The following PIAS2 variants were observed in gnomAD, a reference collection of about 807,000 sequenced individuals.
PIAS2 encodes protein inhibitor of activated STAT 2, also known as E3 SUMO-protein ligase PIAS2.
PIAS2 carries 19 observed loss-of-function variants against 69.7 expected under a neutral mutation model. The ratio of observed to expected loss-of-function variants is 0.27; its 90% CI spans 0.19 to 0.40. The LOEUF (loss-of-function observed/expected upper bound fraction) is 0.40. PIAS2 is among the 10% of genes least tolerant of loss of function. The pLI is 1.00. For missense variants in PIAS2, 624 were observed against 757.0 expected (o/e 0.82, Z 2.06); for synonymous variants, 261 against 263.2 (o/e 0.99, Z 0.08).
At chr18:46,856,228 C>T (rs2047807552) in intron 3 of PIAS2, among the ~76,000 whole-genome samples, 1 of 151,860 alleles carries the variant, frequency 6.6e-6, no homozygotes, top group Admixed American at 6.6e-5. Flanking sequence ...GTCTTGATCT[C>T]CTGACCTCGT....
chr18:46,840,851 A>G (rs541118916), intron 8 of PIAS2, among the ~76,000 whole-genome samples: 1 of 152,310 alleles, frequency 6.6e-6, no homozygotes, highest in South Asian at 2.1e-4. Context: ...TTCCTATAAA[A>G]TGTTAAGCTG....
chr18:46,815,541 A>G, intron 12 of PIAS2, 192 bp from the exon 13 acceptor site: 1 of 985,326 alleles, frequency 1.0e-6, no homozygotes. Context: ...TTCTCTGATA[A>G]AACAACTGGA....
intron 1 of PIAS2, among the ~76,000 whole-genome samples, chr18:46,912,207 G>A (rs1428128739): frequency 2.0e-5 from 3 of 152,198 alleles, no homozygotes; most frequent in Non-Finnish European, 4.4e-5. Flanking sequence ...CTCAGTATCC[G>A]TAGGGGGCTG....
rs910790783 is a variant in PIAS2, at chr18:46,845,085, A to G, written c.862-246T>C. On this transcript the variant is annotated intron_variant, in intron 6 of 13. Transcript: ENST00000585916. ...AAAACATTCGCTGGTATGGGAATAT[A>G]GGTTAGATCAATGGTTTCCAAACTA... The G allele has an allele frequency of 2.7e-5, 7 of 257,946 alleles. No homozygotes were observed. In the Admixed American group the frequency reaches 3.8e-4, roughly 14 times the overall value. The allele number at this position is 257,946 out of a possible 1,614,324, so 16.0% of individuals were successfully genotyped here.
At position 46,808,248 on chromosome 18, in the gene PIAS2, C is replaced by A. The variant is rs1324239910; in HGVS notation, c.*4185G>T. The stretch of plus-strand genomic sequence containing the variant: ...AGCAAAGACAATGGCAAGGAAGATG[C>A]AAAAATATCAAGTGATTTTTTCTGG... On this transcript the variant is annotated 3_prime_UTR_variant, in exon 14 of 14. Transcript: ENST00000585916. The A allele has an allele frequency of 1.3e-5, 2 of 152,036 alleles. 1 individual carries two copies. The highest frequency in any genetic ancestry group is 3.9e-4 in the East Asian group (2 of 5,190). 9.4% of individuals were successfully genotyped at this position (152,036 alleles called of 1,614,324 possible).
intron 3 of PIAS2, among the ~76,000 whole-genome samples, chr18:46,856,015 T>C (rs1380566210): frequency 2.3e-5 from 3 of 132,286 alleles, no homozygotes; most frequent in African/African-American, 8.4e-5. Flanking sequence ...TTTTTTTTTT[T>C]TTTTTTTTGA....
rs1443638754 is a variant in PIAS2, at chr18:46,810,748, A to T, written c.*1685T>A. On this transcript the variant is annotated 3_prime_UTR_variant, in exon 14 of 14. Transcript: ENST00000585916. ...AACTTGAGAAGGTGAAAGAAAAAAA[A>T]AAAAAACCCCAAGCAAGGACAAGTC... is the stretch of plus-strand genomic sequence containing the variant. 1 of 151,752 alleles carries T rather than the reference A, an allele frequency of 6.6e-6. No individual in the cohort carries two copies. Among genetic ancestry groups the T allele is most frequent in the Non-Finnish European group, 1.5e-5 (1 of 67,970 alleles). 9.4% of individuals were successfully genotyped at this position (151,752 alleles called of 1,614,324 possible). A position where few individuals can be genotyped will look rare whatever the true frequency, so the allele number is the denominator to read the frequency against.
chr18:46,916,939 CCA>C (rs1357854195), intron 1 of PIAS2: 2 of 985,402 alleles, frequency 2.0e-6, no homozygotes, highest in African/African-American at 3.5e-5. Flanking sequence ...TTGTGAATAG[CCA>C]CAGACACGTA....
intron 12 of PIAS2, chr18:46,817,672 T>C: frequency 1.0e-6 from 1 of 963,524 alleles, no homozygotes; most frequent in Non-Finnish European, 1.2e-6. Context: ...GTTGGAATTC[T>C]AGATTGTTTA....
chr18:46,807,370 TATATATATATATA>T lies in PIAS2; in HGVS notation c.*5050_*5062del, dbSNP rs1405220256. 9 of 28,312 alleles carry T rather than the reference TATATATATATATA, an allele frequency of 3.2e-4. No homozygotes were observed. Among genetic ancestry groups the T allele is most frequent in the African/African-American group, 9.7e-4 (4 of 4,104 alleles). 1.8% of individuals were successfully genotyped at this position (28,312 alleles called of 1,614,324 possible). On this transcript the variant is annotated 3_prime_UTR_variant, in exon 14 of 14. Transcript: ENST00000585916. The stretch of plus-strand genomic sequence containing the variant: ...ATGTCAGATTTTATATATATATATA[TATATATATATATA>T]TTTTTTTTTTTTTTTTTTTTTTTTT...
At chr18:46,832,228 A>G (rs2043732942) in intron 9 of PIAS2, among the ~76,000 whole-genome samples, 3 of 152,042 alleles carry the variant, frequency 2.0e-5, no homozygotes, top group South Asian at 4.2e-4. Flanking sequence ...CAGCCTGACC[A>G]ACATGGTGAA....
rs530111433 is a variant in PIAS2, at chr18:46,807,686, C to T, written c.*4747G>A. ...TGCTGGGATTACAGGCGTGAGCCTC[C>T]ATACCCGGCCCATGTCAGATATATT... On this transcript the variant is annotated 3_prime_UTR_variant, in exon 14 of 14. Transcript: ENST00000585916. 9.2e-5 allele frequency: 14 copies of T among 152,210 alleles called. No individual in the cohort carries two copies. In the East Asian group the frequency reaches 2.7e-3, roughly 29 times the overall value. 9.4% of individuals were successfully genotyped at this position (152,210 alleles called of 1,614,324 possible).
chr18:46,839,631 G>A (rs560998750), intron 8 of PIAS2, among the ~76,000 whole-genome samples: 1 of 152,114 alleles, frequency 6.6e-6, no homozygotes, highest in African/African-American at 2.4e-5. Flanking sequence ...TTGGGAGGCC[G>A]AGGAGGGTGG....
chr18:46,829,932 G>C (rs1001420378), intron 9 of PIAS2, 65 bp from the exon 10 acceptor site: 41 of 1,401,272 alleles, frequency 2.9e-5, no homozygotes, highest in Non-Finnish European at 3.3e-5. Flanking sequence ...AAATAAGAAA[G>C]TAATACACAT....
intron 1 of PIAS2, among the ~76,000 whole-genome samples, chr18:46,897,412 T>A (rs1213781020): frequency 2.0e-5 from 3 of 152,176 alleles, no homozygotes; most frequent in African/African-American, 4.8e-5. Context: ...CAGAATGGGC[T>A]CCTAGTAGCC....
intron 3 of PIAS2, among the ~76,000 whole-genome samples, chr18:46,859,971 G>A (rs1267606283): frequency 6.6e-6 from 1 of 152,180 alleles, no homozygotes; most frequent in African/African-American, 2.4e-5. Context: ...AATGGAAGGA[G>A]CAGCGCTAAA....
intron 3 of PIAS2, among the ~76,000 whole-genome samples, chr18:46,859,287 G>A (rs1019317047): frequency 6.6e-6 from 1 of 152,022 alleles, no homozygotes; most frequent in Non-Finnish European, 1.5e-5. Flanking sequence ...AATTAGCCAG[G>A]CGTGGTGGTG....
intron 2 of PIAS2, among the ~76,000 whole-genome samples, chr18:46,884,306 A>G (rs1274321232): frequency 6.6e-6 from 1 of 151,850 alleles, no homozygotes; most frequent in Non-Finnish European, 1.5e-5. Flanking sequence ...CTCATGTTTT[A>G]TTTATTTATT....
rs1167375198 is a variant in PIAS2, at chr18:46,806,981, T to C, written c.*5452A>G. 6.6e-6 allele frequency: 1 copy of C among 152,134 alleles called. No homozygotes were observed. The highest frequency in any genetic ancestry group is 1.5e-5 in the Non-Finnish European group (1 of 68,024). The allele number at this position is 152,134 out of a possible 1,614,324, so 9.4% of individuals were successfully genotyped here. A position where few individuals can be genotyped will look rare whatever the true frequency, so the allele number is the denominator to read the frequency against. ...CTGAAGGTAGCAATCTGTTTTTTTC[T>C]TTCCCTGCAGCTACCCTTATTGGAA... On this transcript the variant is annotated 3_prime_UTR_variant, in exon 14 of 14. Transcript: ENST00000585916.
Sources: gnomAD v4.1 joint callset for allele counts (sites outside exome capture counted in the v4.1 genomes callset) on GRCh38, gnomAD v4.1.1 for gene constraint, MANE v1.5 for transcripts, NCBI Gene and HGNC (gene_info 2026-07-23, HGNC 2026-07-21) for gene names.